SH3BGRL2: variants seen among roughly 807,000 people sequenced by gnomAD.
SH3BGRL2 encodes SH3 domain binding glutamate rich protein like 2, also known as SH3 domain-binding glutamic acid-rich-like protein 2.
Under a neutral mutation model 14.8 loss-of-function variants are expected in SH3BGRL2, and 21 were observed. The ratio of observed to expected loss-of-function variants is 1.42; its 90% CI spans 1.01 to 2.05. The LOEUF (loss-of-function observed/expected upper bound fraction) is 2.05. Ranked by LOEUF, SH3BGRL2 falls within the 30% of genes most tolerant of loss-of-function variation. The pLI, the probability that SH3BGRL2 is intolerant of heterozygous loss-of-function variation, is 0.00. For missense variants in SH3BGRL2, 147 were observed against 130.8 expected (o/e 1.12, Z -0.61); for synonymous variants, 50 against 47.8 (o/e 1.05, Z -0.19).
At chr6:79,688,539 A>G (rs1458904138) in intron 2 of SH3BGRL2, among the ~76,000 whole-genome samples, 1 of 152,184 alleles carries the variant, frequency 6.6e-6, no homozygotes, top group African/African-American at 2.4e-5. Context: ...CAATCTACAG[A>G]TGTGTATTTA....
At chr6:79,547,559 G>A in the SH3BGRL2 span, among the ~76,000 whole-genome samples, 1 of 152,084 alleles carries the variant, frequency 6.6e-6, no homozygotes, top group Non-Finnish European at 1.5e-5. Flanking sequence ...GTAAGAAGCT[G>A]GATCCATTCC....
chr6:79,679,729 C>T (rs1048893911), intron 2 of SH3BGRL2, among the ~76,000 whole-genome samples: 2 of 152,090 alleles, frequency 1.3e-5, no homozygotes, highest in African/African-American at 4.8e-5. Context: ...CTAACTTCTA[C>T]ACATCCTCAC....
the SH3BGRL2 span, among the ~76,000 whole-genome samples, chr6:79,540,623 A>G: frequency 6.6e-6 from 1 of 152,230 alleles, no homozygotes; most frequent in South Asian, 2.1e-4. Flanking sequence ...ACTTGATGAA[A>G]TGTACGAGTT....
intron 1 of SH3BGRL2, among the ~76,000 whole-genome samples, chr6:79,650,711 C>A (rs1222264825): frequency 1.3e-5 from 2 of 151,886 alleles, no homozygotes; most frequent in African/African-American, 4.8e-5. Flanking sequence ...GGGATCTGCC[C>A]CCATGACTCA....
chr6:79,679,199 G>C (rs1419191989), intron 2 of SH3BGRL2, among the ~76,000 whole-genome samples: 4 of 152,116 alleles, frequency 2.6e-5, no homozygotes, highest in African/African-American at 4.8e-5. Flanking sequence ...TCTTCAAACT[G>C]CTTTCCACAG....
the SH3BGRL2 span, among the ~76,000 whole-genome samples, chr6:79,597,802 C>T: frequency 6.6e-6 from 1 of 152,100 alleles, no homozygotes; most frequent in Non-Finnish European, 1.5e-5. Context: ...TCAAAGAATA[C>T]CATCAAGAAA....
At chr6:79,633,520 C>T (rs1384286947) in intron 1 of SH3BGRL2, among the ~76,000 whole-genome samples, 1 of 151,998 alleles carries the variant, frequency 6.6e-6, no homozygotes, top group Non-Finnish European at 1.5e-5. Flanking sequence ...GGCTCAGATC[C>T]CCTCAATGCC....
intron 2 of SH3BGRL2, among the ~76,000 whole-genome samples, chr6:79,684,544 G>T (rs772473056): frequency 6.6e-6 from 1 of 152,100 alleles, no homozygotes; most frequent in Non-Finnish European, 1.5e-5. Context: ...TTCAGCTCAG[G>T]TGTTTTCAGC....
At chr6:79,538,018 GTTTTTTTTTTTT>G in the SH3BGRL2 span, among the ~76,000 whole-genome samples, 932 of 44,130 alleles carry the variant, frequency 0.021, 21 homozygotes, top group South Asian at 0.042. Flanking sequence ...TTGCACACAA[GTTTTTTTTTTTT>G]TTTTTTTTTT....
the SH3BGRL2 span, among the ~76,000 whole-genome samples, chr6:79,555,572 G>A: frequency 2.0e-5 from 3 of 152,198 alleles, no homozygotes; most frequent in Admixed American, 2.0e-4. Context: ...GTGCAGTAGC[G>A]TGATCTCGGC....
At chr6:79,573,362 CT>C in the SH3BGRL2 span, among the ~76,000 whole-genome samples, 1 of 152,036 alleles carries the variant, frequency 6.6e-6, no homozygotes, top group African/African-American at 2.4e-5. Flanking sequence ...TTTCCCTATT[CT>C]TTTGCTAATA....
Position 79,638,142 on chromosome 6 carries a change from C to T in SH3BGRL2, c.45+6636C>T, listed in dbSNP as rs184284675. On this transcript the variant is annotated intron_variant, in intron 1 of 3. Transcript: ENST00000369838. ...TGGGAATATTCAGAATCTCTCATAG[C>T]TATCTGGAAATATCTTACAATGCTA... 6.3e-3 allele frequency among the ~76,000 whole-genome samples: 952 copies of T among 152,218 alleles called. 5 individuals carry two copies. Among genetic ancestry groups the T allele is most frequent in the South Asian group, 0.024 (116 of 4,820 alleles).
At chr6:79,547,833 C>T in the SH3BGRL2 span, among the ~76,000 whole-genome samples, 1 of 152,154 alleles carries the variant, frequency 6.6e-6, no homozygotes, top group African/African-American at 2.4e-5. Context: ...TGAGACTACT[C>T]AATTAACATA....
At chr6:79,544,502 G>A in the SH3BGRL2 span, among the ~76,000 whole-genome samples, 1 of 152,148 alleles carries the variant, frequency 6.6e-6, no homozygotes, top group South Asian at 2.1e-4. Flanking sequence ...CAACCACGGT[G>A]AAAATATTTA....
the SH3BGRL2 span, among the ~76,000 whole-genome samples, chr6:79,592,778 C>A: frequency 1.3e-5 from 2 of 152,250 alleles, no homozygotes; most frequent in East Asian, 3.9e-4. Context: ...TTAATACTTA[C>A]CACACGTGTA....
chr6:79,656,546 G>A (rs942717577), intron 1 of SH3BGRL2, among the ~76,000 whole-genome samples: 4 of 152,070 alleles, frequency 2.6e-5, no homozygotes, highest in South Asian at 2.1e-4. Context: ...TGGCCCTTCC[G>A]TATTTGCAGG....
chr6:79,625,081 G>A, the SH3BGRL2 span, among the ~76,000 whole-genome samples: 1 of 152,078 alleles, frequency 6.6e-6, no homozygotes, highest in South Asian at 2.1e-4. Context: ...GCTGAGGTGG[G>A]AGGATCACTT....
the SH3BGRL2 span, among the ~76,000 whole-genome samples, chr6:79,590,424 G>GATATATATATATATATATATATATAT: frequency 1.5e-5 from 1 of 66,666 alleles, no homozygotes. Flanking sequence ...AAGAAAATGT[G>GATATATATATATATATATATATATAT]ATATATATAT....
At chr6:79,649,686 A>G (rs1055614717) in intron 1 of SH3BGRL2, among the ~76,000 whole-genome samples, 2 of 152,084 alleles carry the variant, frequency 1.3e-5, no homozygotes, top group Non-Finnish European at 1.5e-5. Context: ...ACACATAGGT[A>G]TAGCATTTTA....
Sources: gnomAD v4.1 joint callset for allele counts (sites outside exome capture counted in the v4.1 genomes callset) on GRCh38, gnomAD v4.1.1 for gene constraint, MANE v1.5 for transcripts, NCBI Gene and HGNC (gene_info 2026-07-23, HGNC 2026-07-21) for gene names.